SEMA3A: variants seen among roughly 807,000 people sequenced by gnomAD.
The protein encoded by SEMA3A is semaphorin 3A.
A neutral mutation model predicts 97.9 loss-of-function variants in SEMA3A; 29 were observed. The ratio of observed to expected loss-of-function variants is 0.30; its 90% CI spans 0.22 to 0.40. The LOEUF is 0.40. Among genes scored for constraint, SEMA3A ranks in the 10% least tolerant of loss-of-function variants. The pLI is 1.00. For missense variants in SEMA3A, 763 were observed against 951.3 expected (o/e 0.80, Z 2.60); for synonymous variants, 321 against 323.7 (o/e 0.99, Z 0.09).
intron 1 of SEMA3A, among the ~76,000 whole-genome samples, chr7:84,431,861 T>A (rs967502597): frequency 2.0e-5 from 3 of 152,062 alleles, no homozygotes; most frequent in Middle Eastern, 3.4e-3. Flanking sequence ...TGTAAAGAAA[T>A]AATTACTATA....
chr7:84,069,395 T>G (rs1269509745), intron 4 of SEMA3A, among the ~76,000 whole-genome samples: 1 of 152,182 alleles, frequency 6.6e-6, no homozygotes, highest in East Asian at 1.9e-4. Context: ...ACAGATTTAT[T>G]AATTTCCCTT....
chr7:84,426,940 A>G (rs1181735722), intron 1 of SEMA3A, among the ~76,000 whole-genome samples: 2 of 152,148 alleles, frequency 1.3e-5, no homozygotes, highest in Non-Finnish European at 2.9e-5. Context: ...TAGCAAATTA[A>G]CGTATTACAG....
At chr7:84,378,131 G>T (rs1803156085) in intron 1 of SEMA3A, among the ~76,000 whole-genome samples, 1 of 151,506 alleles carries the variant, frequency 6.6e-6, no homozygotes, top group Non-Finnish European at 1.5e-5. Context: ...AGGCAACAAT[G>T]GATAAAATCT....
intron 1 of SEMA3A, among the ~76,000 whole-genome samples, chr7:84,468,453 G>A (rs895614096): frequency 5.3e-5 from 8 of 152,136 alleles, no homozygotes; most frequent in African/African-American, 1.7e-4. Flanking sequence ...AGCACTTTGT[G>A]AGGTTTTTAG....
intron 3 of SEMA3A, among the ~76,000 whole-genome samples, chr7:84,244,735 T>G (rs945401808): frequency 6.6e-6 from 1 of 152,208 alleles, no homozygotes; most frequent in African/African-American, 2.4e-5. Flanking sequence ...AGTTTTTCCT[T>G]TCCATATTTA....
intron 3 of SEMA3A, among the ~76,000 whole-genome samples, chr7:84,268,852 G>A (rs566922282): frequency 1.3e-5 from 2 of 152,206 alleles, no homozygotes; most frequent in African/African-American, 2.4e-5. Flanking sequence ...GTGTCTCCAC[G>A]CTTCTCTTGA....
chr7:84,097,743 T>A (rs1369445052), intron 4 of SEMA3A, among the ~76,000 whole-genome samples: 1 of 152,168 alleles, frequency 6.6e-6, no homozygotes, highest in Admixed American at 6.6e-5. Flanking sequence ...TTACCAAATA[T>A]TCTATCATTT....
intron 3 of SEMA3A, among the ~76,000 whole-genome samples, chr7:84,122,455 G>A (rs375021635): frequency 5.9e-5 from 9 of 152,010 alleles, no homozygotes; most frequent in East Asian, 1.9e-4. Flanking sequence ...CAAAAAGCTA[G>A]TCAGGGCGTC....
chr7:83,972,191 T>C (rs183474629), intron 15 of SEMA3A, among the ~76,000 whole-genome samples: 12 of 152,120 alleles, frequency 7.9e-5, no homozygotes, highest in Non-Finnish European at 1.5e-4. Flanking sequence ...CACCAGTATC[T>C]TACTTTCAGA....
chr7:84,139,432 T>C (rs568964405), intron 1 of SEMA3A, among the ~76,000 whole-genome samples: 1 of 152,222 alleles, frequency 6.6e-6, no homozygotes, highest in South Asian at 2.1e-4. Context: ...AAGTATGTAT[T>C]CTTAAATTTG....
intron 4 of SEMA3A, among the ~76,000 whole-genome samples, chr7:84,089,011 A>T (rs1379266049): frequency 7.7e-6 from 1 of 130,086 alleles, no homozygotes; most frequent in Non-Finnish European, 1.6e-5. Flanking sequence ...CAGTAAGAGT[A>T]AAAAAAAAAA....
intron 3 of SEMA3A, among the ~76,000 whole-genome samples, chr7:84,227,951 A>T (rs149763224): frequency 9.2e-4 from 140 of 151,794 alleles, no homozygotes; most frequent in African/African-American, 3.3e-3. Context: ...GGCAGGTAGT[A>T]GTTGTATGGG....
intron 1 of SEMA3A, among the ~76,000 whole-genome samples, chr7:84,444,687 G>C (rs541431288): frequency 3.6e-4 from 54 of 150,000 alleles, no homozygotes; most frequent in African/African-American, 1.3e-3. Context: ...TCAGCCTCCC[G>C]AGTAGCTGGG....
At chr7:84,262,191 C>T (rs996165363) in intron 3 of SEMA3A, among the ~76,000 whole-genome samples, 5 of 151,826 alleles carry the variant, frequency 3.3e-5, no homozygotes, top group African/African-American at 1.2e-4. Context: ...TTTAGACTTG[C>T]CTCTATTTTC....
intron 3 of SEMA3A, among the ~76,000 whole-genome samples, chr7:84,231,081 T>C (rs932081006): frequency 8.6e-5 from 13 of 151,982 alleles, no homozygotes; most frequent in Non-Finnish European, 1.8e-4. Flanking sequence ...CATCTGATGC[T>C]TCTTCCCTGG....
intron 5 of SEMA3A, among the ~76,000 whole-genome samples, chr7:84,052,352 T>A: frequency 6.6e-6 from 1 of 152,216 alleles, no homozygotes; most frequent in Non-Finnish European, 1.5e-5. Context: ...GCACTCTTTT[T>A]GGTTGGTAAG....
intron 3 of SEMA3A, among the ~76,000 whole-genome samples, chr7:84,290,900 A>T (rs112036258): frequency 6.6e-6 from 1 of 151,980 alleles, no homozygotes; most frequent in Non-Finnish European, 1.5e-5. Context: ...ATCTTAAAGC[A>T]TTATTTGTCT....
chr7:83,982,063 TC>T (rs1292110754), intron 13 of SEMA3A, among the ~76,000 whole-genome samples: 23 of 152,068 alleles, frequency 1.5e-4, no homozygotes, highest in Admixed American at 1.3e-4. Context: ...TTACTACCCT[TC>T]AAAACGTCTT....
chr7:84,332,944 A>T (rs1215834686), intron 2 of SEMA3A, among the ~76,000 whole-genome samples: 2 of 152,122 alleles, frequency 1.3e-5, no homozygotes, highest in Non-Finnish European at 2.9e-5. Flanking sequence ...AAGAAAGAGA[A>T]ATAATGCAAT....
Sources: allele counts gnomAD v4.1 joint callset (sites outside exome capture counted in the v4.1 genomes callset), GRCh38; gene constraint gnomAD v4.1.1; transcripts MANE v1.5; gene names NCBI Gene and HGNC (gene_info 2026-07-23, HGNC 2026-07-21).